Variants in MEGF8 observed in about 807,000 individuals in gnomAD.
The protein encoded by MEGF8 is multiple epidermal growth factor-like domains protein 8.
Under a neutral mutation model 302.9 loss-of-function variants are expected in MEGF8, and 156 were observed. The observed-to-expected ratio is 0.52, with a 90% CI of 0.45 to 0.59. The LOEUF is 0.59. MEGF8 is among the 20% of genes least tolerant of loss of function. MEGF8 has a pLI of 0.00. For missense variants in MEGF8, 3,345 were observed against 3,964.5 expected, an observed-to-expected ratio of 0.84 and a Z score of 4.20; for synonymous variants, 1,621 against 1,660.5, an observed-to-expected ratio of 0.98 and a Z score of 0.58.
At chr19:42,331,572 CTT>C (rs771047078) in intron 1 of MEGF8, among the ~76,000 whole-genome samples, 10 of 144,974 alleles carry the variant, frequency 6.9e-5, no homozygotes, top group South Asian at 2.2e-4. Flanking sequence ...GTCAACATTT[CTT>C]TTTTTTTTTT....
At chr19:42,370,487 C>T (rs957585593) in intron 39 of MEGF8, 128 bp downstream of exon 39, 4 of 973,012 alleles carry the variant, frequency 4.1e-6, no homozygotes, top group Middle Eastern at 3.2e-4. Flanking sequence ...GGCCTGGATT[C>T]CTGGGTCTGA....
rs1239727632 is a variant in MEGF8, at chr19:42,351,166, A to G, written c.2737-50A>G. The G allele has an allele frequency of 2.7e-6, 4 of 1,505,960 alleles. 1 individual carries two copies. In the South Asian group the frequency reaches 3.7e-5, roughly 14 times the overall value. 93.3% of individuals were successfully genotyped at this position (1,505,960 alleles called of 1,614,324 possible). On this transcript the variant is annotated intron_variant, in intron 15 of 41. Coordinates refer to ENST00000251268, the MANE Select transcript of MEGF8 (RefSeq NM_001271938.2). The surrounding 1 kb of genome is among the most constrained non-coding windows in gnomAD (Gnocchi z 5.6). ...GGGTGGGATGGGCACTGGGAGTCCAAAGGAAAGGGCTGAGTGGGGTTCTGA... is the reference window on the plus strand; with the variant it reads ...GGGTGGGATGGGCACTGGGAGTCCAGAGGAAAGGGCTGAGTGGGGTTCTGA...
chr19:42,354,518 C>G lies in MEGF8; in HGVS notation c.4012-70C>G. 6.5e-7 allele frequency: 1 copy of G among 1,538,672 alleles called. No homozygotes were observed. The highest frequency in any genetic ancestry group is 1.2e-5 in the South Asian group (1 of 83,114). ...GATTGCCCTCCCCTCTTGAACCCCT[C>G]CTCCTCCCAGACCCCAGGTGTCGTT... On this transcript the variant is annotated intron_variant, in intron 22 of 41. Transcript: ENST00000251268. This position sits in a 1 kb window ranked among gnomAD's most constrained non-coding sequence, Gnocchi z 4.3.
rs532809011 is a variant in MEGF8 at position 42,356,526 on chromosome 19, G to A, written c.4622+73G>A. ...CCTCGGGATGCTAAGAGTCACCTCA[G>A]AGGAGTGCAGAAAAGCCTCTAAGGT... On this transcript the variant is annotated intron_variant, in intron 26 of 41. Coordinates refer to ENST00000251268, the MANE Select transcript of MEGF8 (RefSeq NM_001271938.2). The surrounding 1 kb of genome is among the most constrained non-coding windows in gnomAD (Gnocchi z 5.2). The A allele has an allele frequency of 9.7e-6, 12 of 1,233,330 alleles. No homozygotes were observed. The East Asian group carries it at 3.0e-4, about 31-fold the overall frequency. 76.4% of individuals were successfully genotyped at this position (1,233,330 alleles called of 1,614,324 possible).
At chr19:42,345,064 T>G (rs1251458698) in intron 12 of MEGF8, among the ~76,000 whole-genome samples, 1 of 152,142 alleles carries the variant, frequency 6.6e-6, no homozygotes, top group African/African-American at 2.4e-5. Flanking sequence ...CTCTGCCTCC[T>G]GGGTTCAAGT....
chr19:42,375,426 G>T lies in MEGF8; in HGVS notation c.7270-81G>T. Reference sequence around the variant, plus strand: ...CAATGGCTACTTAGCAGTGGGTATAGAGTATTCGTCACTGCTGCTTGGGGG... The same window carrying T: ...CAATGGCTACTTAGCAGTGGGTATATAGTATTCGTCACTGCTGCTTGGGGG... On this transcript the variant is annotated intron_variant, in intron 41 of 41. Coordinates refer to ENST00000251268, the MANE Select transcript of MEGF8 (RefSeq NM_001271938.2). The surrounding 1 kb of genome is among the most constrained non-coding windows in gnomAD (Gnocchi z 7.1). The T allele has an allele frequency of 7.4e-7, 1 of 1,353,094 alleles. No individual in the cohort carries two copies. The highest frequency in any genetic ancestry group is 1.0e-6 in the Non-Finnish European group (1 of 1,003,588). The allele number at this position is 1,353,094 out of a possible 1,614,324, so 83.8% of individuals were successfully genotyped here.
At position 42,376,628 on chromosome 19, in the gene MEGF8, C is replaced by T; in HGVS notation, c.8391C>T (p.Ala2797=). ...GCGGGCCCCATGCACCCAACGGCGC[C>T]TGCCTGGGGTCAGCCCTCGTCACAC... ...LPGGPHAPNG[A]CLGSALVTLR... is the part of the protein sequence containing the mutation. The change falls in exon 42 of 42, where the codon GCC becomes GCT. Residue 2797 remains alanine, a synonymous_variant. Coordinates refer to ENST00000251268, the MANE Select transcript of MEGF8 (RefSeq NM_001271938.2). This position sits in a 1 kb window ranked among gnomAD's most constrained non-coding sequence, Gnocchi z 8.2. The T allele has an allele frequency of 3.2e-6, 5 of 1,543,848 alleles. No homozygotes were observed. Among genetic ancestry groups the T allele is most frequent in the Non-Finnish European group, 4.4e-6 (5 of 1,147,216 alleles).
At position 42,355,819 on chromosome 19, in the gene MEGF8, G is replaced by A; in HGVS notation, c.4206G>A (p.Val1402=). The A allele has an allele frequency of 6.3e-7, 1 of 1,574,842 alleles. No homozygotes were observed. Among genetic ancestry groups the A allele is most frequent in the Non-Finnish European group, 8.6e-7 (1 of 1,159,842 alleles). The part of the protein sequence containing the change: ...GSSSWGFNAS[V]GSARCGSGGP... ...CATCCTGGGGCTTCAATGCTTCGGT[G>A]GGCTCTGCCCGCTGTGGGTCAGGGG... The change falls in exon 24 of 42, where the codon GTG becomes GTA. Residue 1402 remains valine, a synonymous_variant. Transcript: ENST00000251268.
rs777132271 is a variant in MEGF8, at chr19:42,375,542, G to A, written c.7305G>A (p.Pro2435=). Residue 2435 remains proline (P), a synonymous_variant, in exon 42 of 42, where the codon CCG becomes CCA. Transcript: ENST00000251268. The surrounding 1 kb of genome is among the most constrained non-coding windows in gnomAD (Gnocchi z 7.1). ...GCCGGGAATCATTTCACGGGAGTCC[G>A]CTGGGCGGCCAGCAGTGCTACCGCC... ...AKCRESFHGS[P]LGGQQCYRLI... The A allele has an allele frequency of 5.7e-6, 9 of 1,591,694 alleles. No individual in the cohort carries two copies. Among genetic ancestry groups the A allele is most frequent in the Admixed American group, 3.5e-5 (2 of 56,670 alleles).
At chr19:42,328,569 T>A (rs189543557) in intron 1 of MEGF8, among the ~76,000 whole-genome samples, 1 of 148,556 alleles carries the variant, frequency 6.7e-6, no homozygotes, top group Non-Finnish European at 1.5e-5. Flanking sequence ...GAATAGGAAG[T>A]GTGTGTGTGT....
In MEGF8 at chr19:42,325,762, GC is replaced by G; in HGVS notation, c.-477del. 6.5e-6 allele frequency: 1 copy of G among 154,994 alleles called. No homozygotes were observed. The highest frequency in any genetic ancestry group is 1.4e-5 in the Non-Finnish European group (1 of 70,076). The allele number at this position is 154,994 out of a possible 1,614,324, so 9.6% of individuals were successfully genotyped here. A position where few individuals can be genotyped will look rare whatever the true frequency, so the allele number is the denominator to read the frequency against. On this transcript the variant is annotated 5_prime_UTR_variant, in exon 1 of 42. Transcript: ENST00000251268. ...CGCCCCCGGCACCCGCTCGCGCCCCGCCCCCGGCTGGAGGAGTCTCTCCTGG... is the reference window on the plus strand; with the variant it reads ...CGCCCCCGGCACCCGCTCGCGCCCCGCCCCGGCTGGAGGAGTCTCTCCTGG...
intron 8 of MEGF8, 117 bp from the exon 9 acceptor site, chr19:42,343,360 A>G (rs2039241497): frequency 5.2e-6 from 6 of 1,148,604 alleles, no homozygotes; most frequent in Non-Finnish European, 7.2e-6. Flanking sequence ...TGGGCAGGTG[A>G]GGTTGAAGCA....
At position 42,353,027 on chromosome 19, in the gene MEGF8, C is replaced by T. The variant is rs149155949; in HGVS notation, c.3450C>T (p.Pro1150=). The part of the protein sequence containing the change: ...GWTSDLPPPT[P]APGPPAPRCS... ...CATCAGACCTGCCCCCTCCCACACC[C>T]GCCCCGGGTCCGCCAGCCCCCCGCT... The change falls in exon 20 of 42, where the codon CCC becomes CCT. Residue 1150 remains proline (P), a synonymous_variant. Coordinates refer to ENST00000251268, the MANE Select transcript of MEGF8 (RefSeq NM_001271938.2). The surrounding 1 kb of genome is among the most constrained non-coding windows in gnomAD (Gnocchi z 6.1). The T allele has an allele frequency of 0.058, 90,023 of 1,557,426 alleles. 3,474 individuals are homozygous for T. The highest frequency in any genetic ancestry group is 0.17 in the Middle Eastern group (993 of 5,758).
intron 35 of MEGF8, among the ~76,000 whole-genome samples, chr19:42,367,438 G>A (rs1383533067): frequency 3.3e-5 from 5 of 151,968 alleles, no homozygotes; most frequent in Non-Finnish European, 7.4e-5. Context: ...ACAGGCGCCC[G>A]CCACCACGCC....
chr19:42,333,539 A>G, intron 1 of MEGF8, 66 bp from the exon 2 acceptor site: 1 of 1,498,678 alleles, frequency 6.7e-7, no homozygotes, highest in Non-Finnish European at 9.1e-7. Context: ...CAATTGTGGG[A>G]GGCTGCAGGG....
At chr19:42,335,262 A>G (rs1568556579) in intron 4 of MEGF8, 35 bp from the exon 5 acceptor site, 1 of 1,613,790 alleles carries the variant, frequency 6.2e-7, no homozygotes, top group Non-Finnish European at 8.5e-7. Flanking sequence ...CCGGCAGCCT[A>G]TGGCCAGGGC....
At position 42,368,452 on chromosome 19, in the gene MEGF8, C is replaced by T. The variant is rs1436215976; in HGVS notation, c.6274-3C>T. 1 of 1,574,628 alleles carries T rather than the reference C, an allele frequency of 6.4e-7. No individual in the cohort carries two copies. Among genetic ancestry groups the T allele is most frequent in the Admixed American group, 1.7e-5 (1 of 57,812 alleles). Reference sequence around the variant, plus strand: ...GCATCCCCATCCCCTCCCCCCCATACAGTGTCTGAGCCCTTCCTACCTGCC... The same window carrying T: ...GCATCCCCATCCCCTCCCCCCCATATAGTGTCTGAGCCCTTCCTACCTGCC... On this transcript the variant is annotated splice_region_variant and splice_polypyrimidine_tract_variant and intron_variant, in intron 35 of 41. Transcript: ENST00000251268. This position sits in a 1 kb window ranked among gnomAD's most constrained non-coding sequence, Gnocchi z 4.9.
rs890489078 is a variant in MEGF8 at position 42,376,064 on chromosome 19, G to T, written c.7827G>T (p.Ser2609=). The T allele has an allele frequency of 1.2e-6, 2 of 1,604,916 alleles. No homozygotes were observed. Among genetic ancestry groups the T allele is most frequent in the East Asian group, 2.2e-5 (1 of 44,822 alleles). Residue 2609 remains serine (S), a synonymous_variant, in exon 42 of 42, where the codon TCG becomes TCT. Coordinates refer to ENST00000251268, the MANE Select transcript of MEGF8 (RefSeq NM_001271938.2). The surrounding 1 kb of genome is among the most constrained non-coding windows in gnomAD (Gnocchi z 8.2). The stretch of plus-strand genomic sequence containing the variant: ...CACACGAGCACCATGCCCTCAAGTC[G>T]AGCCGCTTCTACCTGCTGCTGCTGG... ...TYPHEHHALK[S]SRFYLLLLGV...
At chr19:42,350,087 C>A in intron 14 of MEGF8, 61 bp from the exon 15 acceptor site, 1 of 1,361,720 alleles carries the variant, frequency 7.3e-7, no homozygotes. Context: ...TTTCAGTTAG[C>A]GCCAGACTCT....
Sources: gnomAD v4.1 joint callset for allele counts (sites outside exome capture counted in the v4.1 genomes callset) on GRCh38, gnomAD v4.1.1 for gene constraint, Gnocchi (gnomAD v3.1) non-coding constraint, MANE v1.5 for transcripts, NCBI Gene and HGNC (gene_info 2026-07-23, HGNC 2026-07-21) for gene names.